The following RXFP3 variants were observed in gnomAD, a reference collection of about 807,000 sequenced individuals.
RXFP3 encodes the protein relaxin-3 receptor 1.
Under a neutral mutation model 27.3 loss-of-function variants are expected in RXFP3, and 31 were observed. That is an observed-to-expected ratio of 1.13 (90% CI 0.85 to 1.53). The LOEUF is 1.53. RXFP3 is among the 40% of genes most tolerant of loss of function. The pLI, the probability that RXFP3 is intolerant of heterozygous loss-of-function variation, is 0.00. For synonymous variants in RXFP3, 351 were observed against 293.6 expected, an observed-to-expected ratio of 1.20 and a Z score of -2.00; for missense variants, 684 against 642.1, an observed-to-expected ratio of 1.07 and a Z score of -0.70.
In RXFP3 at chr5:33,938,306, C is replaced by A; in HGVS notation, c.*156C>A. ...ATGGAGGAGGAGCCTGTGGATAGGCCGAGGACCTTCTCTGGAGAGGAGATG... is the reference window on the plus strand; with the variant it reads ...ATGGAGGAGGAGCCTGTGGATAGGCAGAGGACCTTCTCTGGAGAGGAGATG... On this transcript the variant is annotated 3_prime_UTR_variant, in exon 1 of 1. Transcript: ENST00000330120. 2 of 665,796 alleles carry A rather than the reference C, an allele frequency of 3.0e-6. No homozygotes were observed. The highest frequency in any genetic ancestry group is 2.6e-6 in the Non-Finnish European group (1 of 385,592). The allele number at this position is 665,796 out of a possible 1,614,324, so 41.2% of individuals were successfully genotyped here. A position where few individuals can be genotyped will look rare whatever the true frequency, so the allele number is the denominator to read the frequency against.
In RXFP3 at chr5:33,937,629, C is replaced by A. The variant is rs1291692182; in HGVS notation, c.889C>A (p.Arg297Ser). 2 of 1,591,380 alleles carry A rather than the reference C, an allele frequency of 1.3e-6. No individual in the cohort carries two copies. Among genetic ancestry groups the A allele is most frequent in the Non-Finnish European group, 1.7e-6 (2 of 1,169,146 alleles). Reference sequence around the variant, plus strand: ...GCTGCTGGTGCGCTTCATCGCCGACCGCCGCGCGGCGGGGACCAAAGGAGG... The same window carrying A: ...GCTGCTGGTGCGCTTCATCGCCGACAGCCGCGCGGCGGGGACCAAAGGAGG... ...YLLLVRFIADRRAAGTKGGAA... is the reference protein window; with the variant it reads ...YLLLVRFIADSRAAGTKGGAA... The change falls in exon 1 of 1, where the codon CGC becomes AGC. Residue 297 changes from arginine (R) to serine (S), a missense_variant. Coordinates refer to ENST00000330120, the MANE Select transcript of RXFP3 (RefSeq NM_016568.3).
rs758504033 is a variant in RXFP3, at chr5:33,937,328, C to T, written c.588C>T (p.His196=). Residue 196 remains histidine (H), a synonymous_variant, in exon 1 of 1, where the codon CAC becomes CAT. Coordinates refer to ENST00000330120, the MANE Select transcript of RXFP3 (RefSeq NM_016568.3). ...TGAAGAGCCACCGGACCCGAGGACACGGCCGGGGCGACTGCTGCGGCCGGA... is the reference window on the plus strand; with the variant it reads ...TGAAGAGCCACCGGACCCGAGGACATGGCCGGGGCGACTGCTGCGGCCGGA... ...SALKSHRTRG[H]GRGDCCGRSL... 1.9e-6 allele frequency: 3 copies of T among 1,612,378 alleles called. No homozygotes were observed. The highest frequency in any genetic ancestry group is 2.2e-5 in the East Asian group (1 of 44,890).
rs776735601 is a variant in RXFP3 at position 33,937,816 on chromosome 5, T to A, written c.1076T>A (p.Phe359Tyr). The A allele has an allele frequency of 1.2e-6, 2 of 1,614,156 alleles. No homozygotes were observed. Among genetic ancestry groups the A allele is most frequent in the Non-Finnish European group, 8.5e-7 (1 of 1,180,026 alleles). Residue 359 changes from phenylalanine (F) to tyrosine (Y), a missense_variant, in exon 1 of 1, where the codon TTC becomes TAC. Transcript: ENST00000330120. The part of the protein sequence containing the change: ...SILIKFNAVP[F>Y]SQEYFLCQVY... ...CTCATCAAGTTCAACGCGGTGCCCT[T>A]CAGCCAGGAGTATTTCCTGTGCCAG... is the stretch of plus-strand genomic sequence containing the variant.
In RXFP3 at chr5:33,936,646, A is replaced by G; in HGVS notation, c.-95A>G. On this transcript the variant is annotated 5_prime_UTR_variant, in exon 1 of 1. Coordinates refer to ENST00000330120, the MANE Select transcript of RXFP3 (RefSeq NM_016568.3). ...TTCAGTAGCTGCTTTGAAAGCTCCC[A>G]CGCACGTCCCGCAGGCTAGCCTGGC... is the stretch of plus-strand genomic sequence containing the variant. The G allele has an allele frequency of 8.0e-7, 1 of 1,248,960 alleles. No homozygotes were observed. Among genetic ancestry groups the G allele is most frequent in the Non-Finnish European group, 1.1e-6 (1 of 917,444 alleles). 77.4% of individuals were successfully genotyped at this position (1,248,960 alleles called of 1,614,324 possible).
At position 33,937,985 on chromosome 5, in the gene RXFP3, G is replaced by T. The variant is rs1281347294; in HGVS notation, c.1245G>T (p.Met415Ile). The change falls in exon 1 of 1, where the codon ATG becomes ATT. Residue 415 changes from methionine (M) to isoleucine (I), a missense_variant. Physicochemically the swap from Met to Ile is conservative, Grantham distance 10 (BLOSUM62 1). Coordinates refer to ENST00000330120, the MANE Select transcript of RXFP3 (RefSeq NM_016568.3). ...WRIASPSITS[M>I]RPFTATTKPE... ...TCGCGTCTCCTTCGATCACCAGCAT[G>T]CGCCCCTTCACCGCCACTACCAAGC... 2 of 1,612,872 alleles carry T rather than the reference G, an allele frequency of 1.2e-6. No homozygotes were observed. The highest frequency in any genetic ancestry group is 1.7e-6 in the Non-Finnish European group (2 of 1,180,006).
chr5:33,937,845 T>C lies in RXFP3; in HGVS notation c.1105T>C (p.Tyr369His), dbSNP rs1381105247. Reference sequence around the variant, plus strand: ...CCAGGAGTATTTCCTGTGCCAGGTATACGCGTTCCCTGTGAGCGTGTGCCT... The same window carrying C: ...CCAGGAGTATTTCCTGTGCCAGGTACACGCGTTCCCTGTGAGCGTGTGCCT... ...FSQEYFLCQVYAFPVSVCLAH... is the reference protein window; with the variant it reads ...FSQEYFLCQVHAFPVSVCLAH... The change falls in exon 1 of 1, where the codon TAC becomes CAC. Residue 369 changes from tyrosine to histidine, a missense_variant. Transcript: ENST00000330120. 2 of 1,614,194 alleles carry C rather than the reference T, an allele frequency of 1.2e-6. No individual in the cohort carries two copies. Among genetic ancestry groups the C allele is most frequent in the Admixed American group, 1.7e-5 (1 of 60,030 alleles).
Position 33,936,444 on chromosome 5 carries a change from T to A in RXFP3, c.-297T>A. 2.8e-6 allele frequency: 1 copy of A among 363,410 alleles called. No homozygotes were observed. The highest frequency in any genetic ancestry group is 4.9e-6 in the Non-Finnish European group (1 of 203,400). 22.5% of individuals were successfully genotyped at this position (363,410 alleles called of 1,614,324 possible). A position where few individuals can be genotyped will look rare whatever the true frequency, so the allele number is the denominator to read the frequency against. Reference sequence around the variant, plus strand: ...GGACACGGAGAGGGGAAGTCTGCGTTGTACATAAGGACCTAGGGACTCCGA... The same window carrying A: ...GGACACGGAGAGGGGAAGTCTGCGTAGTACATAAGGACCTAGGGACTCCGA... On this transcript the variant is annotated 5_prime_UTR_variant, in exon 1 of 1. Coordinates refer to ENST00000330120, the MANE Select transcript of RXFP3 (RefSeq NM_016568.3).
Position 33,936,682 on chromosome 5 carries a change from G to C in RXFP3, c.-59G>C. Reference sequence around the variant, plus strand: ...GCAGGCTAGCCTGGCAACAAAACTGGGGTAAACCGTGTTATCTTAGGTCTT... The same window carrying C: ...GCAGGCTAGCCTGGCAACAAAACTGCGGTAAACCGTGTTATCTTAGGTCTT... On this transcript the variant is annotated 5_prime_UTR_variant, in exon 1 of 1. Coordinates refer to ENST00000330120, the MANE Select transcript of RXFP3 (RefSeq NM_016568.3). 6.9e-7 allele frequency: 1 copy of C among 1,456,288 alleles called. No homozygotes were observed. Among genetic ancestry groups the C allele is most frequent in the South Asian group, 1.6e-5 (1 of 64,232 alleles). 90.2% of individuals were successfully genotyped at this position (1,456,288 alleles called of 1,614,324 possible).
chr5:33,937,581 G>A lies in RXFP3; in HGVS notation c.841G>A (p.Gly281Ser). The A allele has an allele frequency of 1.3e-6, 2 of 1,570,108 alleles. No individual in the cohort carries two copies. The highest frequency in any genetic ancestry group is 8.6e-7 in the Non-Finnish European group (1 of 1,157,818). ...GCTGCTGGGCTTCGTGCTGCCGCTGGGCATCATTATCTTGTGCTACCTGCT... is the reference window on the plus strand; with the variant it reads ...GCTGCTGGGCTTCGTGCTGCCGCTGAGCATCATTATCTTGTGCTACCTGCT... Reference protein sequence around the residue: ...KVLLGFVLPLGIIILCYLLLV... With the variant: ...KVLLGFVLPLSIIILCYLLLV... The change falls in exon 1 of 1, where the codon GGC (glycine) becomes AGC (serine). Residue 281 changes from glycine to serine, a missense_variant. Transcript: ENST00000330120.
rs981183353 is a variant in RXFP3 at position 33,938,833 on chromosome 5, A to G, written c.*683A>G. Among the ~76,000 whole-genome samples, 3 of 152,190 alleles carry G rather than the reference A, an allele frequency of 2.0e-5. No homozygotes were observed. Among genetic ancestry groups the G allele is most frequent in the African/African-American group, 7.2e-5 (3 of 41,460 alleles). On this transcript the variant is annotated 3_prime_UTR_variant, in exon 1 of 1. Coordinates refer to ENST00000330120, the MANE Select transcript of RXFP3 (RefSeq NM_016568.3). ...AACACCCTGAGCCCGACCTAGCTGCACAGCCCCGGAGCTCAGACGTTAGCA... is the reference window on the plus strand; with the variant it reads ...AACACCCTGAGCCCGACCTAGCTGCGCAGCCCCGGAGCTCAGACGTTAGCA...
Position 33,938,097 on chromosome 5 carries a change from G to A in RXFP3, c.1357G>A (p.Val453Met). The A allele has an allele frequency of 6.2e-7, 1 of 1,610,076 alleles. No individual in the cohort carries two copies. The change falls in exon 1 of 1, where the codon GTG (valine) becomes ATG (methionine). Residue 453 changes from valine to methionine, a missense_variant. Physicochemically the swap from Val to Met is conservative, Grantham distance 21 (BLOSUM62 1). Coordinates refer to ENST00000330120, the MANE Select transcript of RXFP3 (RefSeq NM_016568.3). ...CCTGCTCTACTACCCACCTGGCGTCGTGGTCTACAGCGGGGGGCGCTACGA... is the reference window on the plus strand; with the variant it reads ...CCTGCTCTACTACCCACCTGGCGTCATGGTCTACAGCGGGGGGCGCTACGA... ...PDLLYYPPGVVVYSGGRYDLL... is the reference protein window; with the variant it reads ...PDLLYYPPGVMVYSGGRYDLL...
rs894252929 is a variant in RXFP3 at position 33,938,349 on chromosome 5, G to A, written c.*199G>A. ...AGGAGATGCTTCGAAATCGGGTGGA[G>A]AGAGGAAATTGGCAAAGGGATAGAG... On this transcript the variant is annotated 3_prime_UTR_variant, in exon 1 of 1. Coordinates refer to ENST00000330120, the MANE Select transcript of RXFP3 (RefSeq NM_016568.3). 1.6e-6 allele frequency: 1 copy of A among 610,368 alleles called. No individual in the cohort carries two copies. The highest frequency in any genetic ancestry group is 2.9e-6 in the Non-Finnish European group (1 of 341,996). The allele number at this position is 610,368 out of a possible 1,614,324, so 37.8% of individuals were successfully genotyped here.
At position 33,936,964 on chromosome 5, in the gene RXFP3, A is replaced by G. The variant is rs1330492503; in HGVS notation, c.224A>G (p.Asp75Gly). ...PPGSGGAESA[D>G]TEARVRILIS... Reference sequence around the variant, plus strand: ...GGCAGCGGCGGGGCAGAGAGCGCGGACACAGAGGCCCGGGTGCGGATTCTC... The same window carrying G: ...GGCAGCGGCGGGGCAGAGAGCGCGGGCACAGAGGCCCGGGTGCGGATTCTC... Residue 75 changes from aspartate (D) to glycine (G), a missense_variant, in exon 1 of 1, where the codon GAC (aspartate) becomes GGC (glycine). Coordinates refer to ENST00000330120, the MANE Select transcript of RXFP3 (RefSeq NM_016568.3). 1 of 1,609,860 alleles carries G rather than the reference A, an allele frequency of 6.2e-7. No individual in the cohort carries two copies. The highest frequency in any genetic ancestry group is 8.5e-7 in the Non-Finnish European group (1 of 1,176,982).
In RXFP3 at chr5:33,936,974, C is replaced by T. The variant is rs1326281543; in HGVS notation, c.234C>T (p.Ala78=). The part of the protein sequence containing the change: ...SGGAESADTE[A]RVRILISVVY... ...GGGCAGAGAGCGCGGACACAGAGGC[C>T]CGGGTGCGGATTCTCATCAGCGTGG... The change falls in exon 1 of 1, where the codon GCC becomes GCT. Residue 78 remains alanine (A), a synonymous_variant. Coordinates refer to ENST00000330120, the MANE Select transcript of RXFP3 (RefSeq NM_016568.3). 15 of 1,611,660 alleles carry T rather than the reference C, an allele frequency of 9.3e-6. No homozygotes were observed. Among genetic ancestry groups the T allele is most frequent in the Admixed American group, 1.7e-5 (1 of 59,910 alleles).
chr5:33,937,739 G>GTCCT lies in RXFP3; in HGVS notation c.1002_1005dup (p.Phe336LeufsTer161). The GTCCT allele has an allele frequency of 6.2e-7, 1 of 1,614,036 alleles. No individual in the cohort carries two copies. Among genetic ancestry groups the GTCCT allele is most frequent in the Non-Finnish European group, 8.5e-7 (1 of 1,180,010 alleles). On this transcript the variant is annotated frameshift_variant, in exon 1 of 1. Coordinates refer to ENST00000330120, the MANE Select transcript of RXFP3 (RefSeq NM_016568.3). LOFTEE classifies it high-confidence loss of function. ...CCAAATCAGTGACCATCGTTGTCCT[G>GTCCT]TCCTTCTTCCTGTGTTGGCTGCCCA... is the stretch of plus-strand genomic sequence containing the variant.
Position 33,937,930 on chromosome 5 carries a change from G to C in RXFP3, c.1190G>C (p.Arg397Pro). The stretch of plus-strand genomic sequence containing the variant: ...TACTGCCTCGTGCGCCGCGAGTTCC[G>C]CAAGGCGCTCAAGAGCCTGCTGTGG... ...VLYCLVRREF[R>P]KALKSLLWRI... The change falls in exon 1 of 1, where the codon CGC becomes CCC. Residue 397 changes from arginine to proline, a missense_variant. Coordinates refer to ENST00000330120, the MANE Select transcript of RXFP3 (RefSeq NM_016568.3). 1 of 1,613,542 alleles carries C rather than the reference G, an allele frequency of 6.2e-7. No individual in the cohort carries two copies. Among genetic ancestry groups the C allele is most frequent in the Non-Finnish European group, 8.5e-7 (1 of 1,180,016 alleles).
rs776010646 is a variant in RXFP3, at chr5:33,938,176, C to A, written c.*26C>A. 7 of 1,545,168 alleles carry A rather than the reference C, an allele frequency of 4.5e-6. No individual in the cohort carries two copies. Among genetic ancestry groups the A allele is most frequent in the African/African-American group, 2.8e-5 (2 of 72,512 alleles). On this transcript the variant is annotated 3_prime_UTR_variant, in exon 1 of 1. Coordinates refer to ENST00000330120, the MANE Select transcript of RXFP3 (RefSeq NM_016568.3). ...CGCAGGCCTCAGGCCCAGGGCGCGC[C>A]GTCGGGGCAAGGTGGCCTTCCCCGG...
rs746753790 is a variant in RXFP3 at position 33,938,116 on chromosome 5, G to A, written c.1376G>A (p.Arg459His). 1.2e-6 allele frequency: 2 copies of A among 1,606,206 alleles called. No individual in the cohort carries two copies. The highest frequency in any genetic ancestry group is 3.4e-5 in the Admixed American group (2 of 59,310). The change falls in exon 1 of 1, where the codon CGC becomes CAC. Residue 459 changes from arginine (R) to histidine (H), a missense_variant. Coordinates refer to ENST00000330120, the MANE Select transcript of RXFP3 (RefSeq NM_016568.3). ...GGCGTCGTGGTCTACAGCGGGGGGC[G>A]CTACGACCTGCTGCCCAGCAGCTCT... Reference protein sequence around the residue: ...PPGVVVYSGGRYDLLPSSSAY With the variant: ...PPGVVVYSGGHYDLLPSSSAY
Position 33,937,531 on chromosome 5 carries a change from TG to T in RXFP3, c.794del (p.Gly265AlafsTer44), listed in dbSNP as rs754537329. 469 of 1,579,840 alleles carry T rather than the reference TG, an allele frequency of 3.0e-4. 1 individual carries two copies. Among genetic ancestry groups the T allele is most frequent in the Admixed American group, 2.7e-4 (15 of 54,556 alleles). On this transcript the variant is annotated frameshift_variant, in exon 1 of 1. Transcript: ENST00000330120. LOFTEE classifies it high-confidence loss of function. ...CTGGGCCGCGACAGGCAGTTCTGGCTGGGCCTCTACCACTCGCAGAAGGTGC... is the reference window on the plus strand; with the variant it reads ...CTGGGCCGCGACAGGCAGTTCTGGCTGGCCTCTACCACTCGCAGAAGGTGC... Reference protein sequence around the residue: ...KLLGRDRQFWLGLYHSQKVLL... With the variant: ...KLLGRDRQFWXGLYHSQKVLL...
Sources: allele counts gnomAD v4.1 joint callset (sites outside exome capture counted in the v4.1 genomes callset), GRCh38; gene constraint gnomAD v4.1.1; transcripts MANE v1.5; gene names NCBI Gene and HGNC (gene_info 2026-07-23, HGNC 2026-07-21).